The following PIK3C2G variants were observed in gnomAD, a reference collection of about 807,000 sequenced individuals.
PIK3C2G encodes the protein phosphatidylinositol-4-phosphate 3-kinase catalytic subunit type 2 gamma.
PIK3C2G carries 168 observed loss-of-function variants against 181.1 expected under a neutral mutation model. The ratio of observed to expected loss-of-function variants is 0.93; its 90% CI spans 0.82 to 1.05. PIK3C2G has a LOEUF of 1.05. PIK3C2G is among the 50% of genes least tolerant of loss of function. PIK3C2G has a pLI of 0.00. For missense variants in PIK3C2G, 1,869 were observed against 1,732.8 expected (o/e 1.08, Z -1.40); for synonymous variants, 573 against 592.2 (o/e 0.97, Z 0.47).
At chr12:18,453,554 G>A (rs1368876107) in intron 18 of PIK3C2G, among the ~76,000 whole-genome samples, 4 of 152,094 alleles carry the variant, frequency 2.6e-5, no homozygotes, top group Admixed American at 2.6e-4. Context: ...TGTAGATCTT[G>A]AGGGGAGGGG....
the PIK3C2G span, among the ~76,000 whole-genome samples, chr12:18,710,346 G>A: frequency 1.3e-5 from 2 of 151,440 alleles, no homozygotes; most frequent in Non-Finnish European, 2.9e-5. Flanking sequence ...ATATAAAGGG[G>A]GAATAGCAAG....
chr12:18,387,664 T>C (rs1271102736), intron 14 of PIK3C2G, among the ~76,000 whole-genome samples: 2 of 152,188 alleles, frequency 1.3e-5, no homozygotes, highest in African/African-American at 2.4e-5. Flanking sequence ...AGTGCCCTTC[T>C]TCTATGTTCA....
chr12:18,316,327 G>GA (rs1262063461), intron 6 of PIK3C2G, among the ~76,000 whole-genome samples: 2 of 151,978 alleles, frequency 1.3e-5, no homozygotes, highest in Admixed American at 6.6e-5. Flanking sequence ...TCAATGTTGA[G>GA]AAAAAAAGGT....
intron 3 of PIK3C2G, among the ~76,000 whole-genome samples, chr12:18,290,648 C>T (rs1949651797): frequency 6.6e-6 from 1 of 152,142 alleles, no homozygotes; most frequent in African/African-American, 2.4e-5. Context: ...GTCCTTTACA[C>T]TTGTTTTTGG....
At chr12:18,679,376 C>T in the PIK3C2G span, among the ~76,000 whole-genome samples, 2 of 152,110 alleles carry the variant, frequency 1.3e-5, no homozygotes, top group Non-Finnish European at 2.9e-5. Flanking sequence ...TATCCCAAGA[C>T]TACAAAGATA....
At chr12:18,332,594 T>C (rs971692058) in intron 8 of PIK3C2G, among the ~76,000 whole-genome samples, 1 of 152,104 alleles carries the variant, frequency 6.6e-6, no homozygotes, top group African/African-American at 2.4e-5. Context: ...TTCCTGGCCT[T>C]TCCCCAGAAG....
At chr12:18,644,003 GTTC>G (rs1313842330) in intron 32 of PIK3C2G, among the ~76,000 whole-genome samples, 1 of 152,136 alleles carries the variant, frequency 6.6e-6, no homozygotes, top group East Asian at 1.9e-4. Context: ...TGTGAAAATA[GTTC>G]TTTTTATTTT....
chr12:18,542,798 C>A (rs1944231258), intron 25 of PIK3C2G, among the ~76,000 whole-genome samples: 1 of 151,906 alleles, frequency 6.6e-6, no homozygotes, highest in South Asian at 2.1e-4. Flanking sequence ...TTTTCTTAAT[C>A]CAATCTGTCA....
At chr12:18,538,346 A>C (rs751401245) in intron 25 of PIK3C2G, 34 bp downstream of exon 25, 2 of 1,563,752 alleles carry the variant, frequency 1.3e-6, no homozygotes, top group Non-Finnish European at 8.6e-7. Context: ...CAAAAATAAT[A>C]AGCTTCATTT....
At chr12:18,603,820 C>T (rs1340761157) in intron 30 of PIK3C2G, among the ~76,000 whole-genome samples, 1 of 152,122 alleles carries the variant, frequency 6.6e-6, no homozygotes, top group Non-Finnish European at 1.5e-5. Context: ...CAAACAAATG[C>T]TGAGAGAATT....
intron 31 of PIK3C2G, among the ~76,000 whole-genome samples, chr12:18,626,527 A>C (rs1366549707): frequency 1.3e-5 from 2 of 151,990 alleles, no homozygotes; most frequent in African/African-American, 2.4e-5. Flanking sequence ...CATAAGTTTC[A>C]TGTTATTAGC....
chr12:18,310,908 CTAAAA>C (rs1235354288), intron 5 of PIK3C2G, among the ~76,000 whole-genome samples: 4 of 151,868 alleles, frequency 2.6e-5, no homozygotes, highest in Non-Finnish European at 4.4e-5. Flanking sequence ...AGAGACATGA[CTAAAA>C]TAAGATAGTC....
At chr12:18,704,230 G>A in the PIK3C2G span, among the ~76,000 whole-genome samples, 1 of 152,196 alleles carries the variant, frequency 6.6e-6, no homozygotes, top group Non-Finnish European at 1.5e-5. Flanking sequence ...GAATGTGATG[G>A]GAACTTTCCT....
At chr12:18,624,433 TA>T (rs1403983956) in intron 31 of PIK3C2G, among the ~76,000 whole-genome samples, 1 of 151,758 alleles carries the variant, frequency 6.6e-6, no homozygotes, top group Non-Finnish European at 1.5e-5. Flanking sequence ...TTTGATTTGC[TA>T]GTATTTTGTT....
chr12:18,620,948 G>A (rs1948834655), intron 31 of PIK3C2G, among the ~76,000 whole-genome samples: 1 of 151,876 alleles, frequency 6.6e-6, no homozygotes, highest in Admixed American at 6.6e-5. Context: ...AAGTATCTAA[G>A]GTATATAGGT....
intron 18 of PIK3C2G, among the ~76,000 whole-genome samples, chr12:18,469,392 A>C (rs1461606370): frequency 6.6e-6 from 1 of 152,138 alleles, no homozygotes; most frequent in African/African-American, 2.4e-5. Flanking sequence ...CTGGGGGGAA[A>C]ATGTTTTCTT....
At chr12:18,682,617 A>C in the PIK3C2G span, among the ~76,000 whole-genome samples, 1 of 152,070 alleles carries the variant, frequency 6.6e-6, no homozygotes, top group African/African-American at 2.4e-5. Flanking sequence ...AGATCCAAGC[A>C]TGTAAGTCCA....
downstream of PIK3C2G, among the ~76,000 whole-genome samples, chr12:18,648,946 G>GA (rs376630221): frequency 7.9e-5 from 12 of 151,804 alleles, no homozygotes; most frequent in African/African-American, 1.9e-4. Flanking sequence ...GTGTATGAAT[G>GA]AAAAAAAATC....
At chr12:18,250,602 G>C (rs1054137565) in intron 1 of PIK3C2G, among the ~76,000 whole-genome samples, 4 of 151,946 alleles carry the variant, frequency 2.6e-5, no homozygotes, top group Non-Finnish European at 4.4e-5. Flanking sequence ...GCAATTCTAA[G>C]AGTATTCAAA....
Sources: gnomAD v4.1 joint callset for allele counts (sites outside exome capture counted in the v4.1 genomes callset) on GRCh38, gnomAD v4.1.1 for gene constraint, MANE v1.5 for transcripts, NCBI Gene and HGNC (gene_info 2026-07-23, HGNC 2026-07-21) for gene names.